The following TMEM117 variants were observed in gnomAD, a reference collection of about 807,000 sequenced individuals.
TMEM117 encodes the protein transmembrane protein 117.
Under a neutral mutation model 52.4 loss-of-function variants are expected in TMEM117, and 27 were observed. The observed-to-expected ratio is 0.51, with a 90% CI of 0.38 to 0.71. TMEM117 has a LOEUF of 0.71. Ranked by LOEUF, TMEM117 falls within the 30% of genes least tolerant of loss-of-function variation. The pLI is 0.00. For missense variants in TMEM117, 556 were observed against 630.5 expected (o/e 0.88, Z 1.26); for synonymous variants, 215 against 206.3 (o/e 1.04, Z -0.36).
downstream of TMEM117, among the ~76,000 whole-genome samples, chr12:44,390,199 GACACACAC>G (rs58917894): frequency 1.1e-3 from 151 of 143,690 alleles, 1 homozygote; most frequent in African/African-American, 3.6e-3. Context: ...AAACATATCT[GACACACAC>G]ACACACACAC....
chr12:44,398,494 G>A, the TMEM117 span, among the ~76,000 whole-genome samples: 62 of 152,270 alleles, frequency 4.1e-4, no homozygotes, highest in African/African-American at 1.3e-3. Flanking sequence ...AAATGGTCTC[G>A]GGTTTTGGGC....
chr12:44,193,665 G>T (rs1157509266), intron 4 of TMEM117, among the ~76,000 whole-genome samples: 1 of 152,200 alleles, frequency 6.6e-6, no homozygotes, highest in South Asian at 2.1e-4. Context: ...AGAGATCCTA[G>T]AGAGAGGAAA....
chr12:43,798,447 C>T, the TMEM117 span: 62 of 925,886 alleles, frequency 6.7e-5, no homozygotes, highest in Non-Finnish European at 8.7e-5. Context: ...GAGTCTCATT[C>T]GCAGTGTTGC....
chr12:44,175,899 T>C (rs1011559122), intron 4 of TMEM117, among the ~76,000 whole-genome samples: 7 of 152,148 alleles, frequency 4.6e-5, no homozygotes, highest in African/African-American at 1.7e-4. Context: ...TTTTTGTTGA[T>C]ATGTAGGAAG....
intron 1 of TMEM117, among the ~76,000 whole-genome samples, chr12:43,837,591 C>T (rs1326814272): frequency 2.0e-5 from 3 of 152,156 alleles, no homozygotes; most frequent in East Asian, 1.9e-4. Flanking sequence ...GTGATCCGCC[C>T]GCCTTGGCCT....
chr12:44,097,488 G>A (rs1032733808), intron 3 of TMEM117, among the ~76,000 whole-genome samples: 6 of 151,894 alleles, frequency 4.0e-5, no homozygotes, highest in African/African-American at 1.5e-4. Flanking sequence ...ACGATAGACT[G>A]GATTAAGAAA....
At chr12:44,209,359 A>G (rs1012397090) in intron 4 of TMEM117, among the ~76,000 whole-genome samples, 7 of 152,138 alleles carry the variant, frequency 4.6e-5, no homozygotes, top group Non-Finnish European at 1.0e-4. Context: ...GATGGAAAAT[A>G]CAATCCATGG....
At chr12:44,325,067 T>G (rs985884763) in intron 6 of TMEM117, among the ~76,000 whole-genome samples, 2 of 152,220 alleles carry the variant, frequency 1.3e-5, no homozygotes, top group African/African-American at 4.8e-5. Flanking sequence ...TGTATTTATA[T>G]TAGTAGTTTC....
intron 2 of TMEM117, among the ~76,000 whole-genome samples, chr12:43,904,432 T>C (rs1205968394): frequency 7.9e-5 from 12 of 152,206 alleles, no homozygotes; most frequent in Non-Finnish European, 1.8e-4. Flanking sequence ...TCTATTTAAC[T>C]TTTAATATCT....
intron 4 of TMEM117, among the ~76,000 whole-genome samples, chr12:44,169,756 A>G (rs895769687): frequency 2.0e-5 from 3 of 152,146 alleles, no homozygotes; most frequent in African/African-American, 7.2e-5. Flanking sequence ...AAGAAATCAC[A>G]CCAATTAGAA....
At chr12:44,124,920 C>T (rs1043442154) in intron 3 of TMEM117, among the ~76,000 whole-genome samples, 1 of 152,112 alleles carries the variant, frequency 6.6e-6, no homozygotes, top group African/African-American at 2.4e-5. Flanking sequence ...TGATGCTGGC[C>T]TCATGATGAG....
At chr12:44,289,554 T>TG in intron 5 of TMEM117, among the ~76,000 whole-genome samples, 1 of 126,634 alleles carries the variant, frequency 7.9e-6, no homozygotes, top group Non-Finnish European at 1.8e-5. Context: ...TTTTCTCTTT[T>TG]TTTTTTTTTT....
At chr12:44,360,566 CA>C (rs546423318) in intron 6 of TMEM117, among the ~76,000 whole-genome samples, 2,367 of 87,776 alleles carry the variant, frequency 0.027, 38 homozygotes, top group African/African-American at 0.077. Flanking sequence ...GACTCTGTCT[CA>C]AAAAAAAAAA....
chr12:44,100,791 A>G (rs1300725864), intron 3 of TMEM117, among the ~76,000 whole-genome samples: 1 of 152,016 alleles, frequency 6.6e-6, no homozygotes. Flanking sequence ...TACTCACTTC[A>G]GAGCCGTTAC....
intron 2 of TMEM117, among the ~76,000 whole-genome samples, chr12:43,935,557 A>G (rs1349976227): frequency 1.3e-5 from 2 of 152,196 alleles, no homozygotes; most frequent in East Asian, 3.9e-4. Flanking sequence ...TATAAGGAGG[A>G]ATATTTTTTC....
At chr12:44,166,829 G>C (rs1288683293) in intron 4 of TMEM117, among the ~76,000 whole-genome samples, 1 of 152,136 alleles carries the variant, frequency 6.6e-6, no homozygotes, top group Admixed American at 6.5e-5. Context: ...TCTGAAATTA[G>C]CCTCTCTACC....
At chr12:44,183,084 T>G (rs1183383765) in intron 4 of TMEM117, among the ~76,000 whole-genome samples, 2 of 152,190 alleles carry the variant, frequency 1.3e-5, no homozygotes, top group African/African-American at 2.4e-5. Flanking sequence ...ATTTTGGATT[T>G]AGAAAATTTA....
At chr12:43,818,292 C>G in the TMEM117 span, among the ~76,000 whole-genome samples, 2 of 152,058 alleles carry the variant, frequency 1.3e-5, no homozygotes, top group African/African-American at 2.4e-5. Flanking sequence ...GACATTTTTT[C>G]CTTCTATTTA....
chr12:44,182,683 G>A (rs1044320447), intron 4 of TMEM117, among the ~76,000 whole-genome samples: 1 of 151,896 alleles, frequency 6.6e-6, no homozygotes, highest in African/African-American at 2.4e-5. Flanking sequence ...GAAAGCTCAG[G>A]AAAAAAAGCC....
Sources: gnomAD v4.1 joint callset for allele counts (sites outside exome capture counted in the v4.1 genomes callset) on GRCh38, gnomAD v4.1.1 for gene constraint, MANE v1.5 for transcripts, NCBI Gene and HGNC (gene_info 2026-07-23, HGNC 2026-07-21) for gene names.